Variants in ASCC3 observed in about 807,000 individuals in gnomAD.
The protein encoded by ASCC3 is activating signal cointegrator 1 complex subunit 3.
Under a neutral mutation model 256.3 loss-of-function variants are expected in ASCC3, and 158 were observed. That is an observed-to-expected ratio of 0.62 (90% CI 0.54 to 0.70). ASCC3 has a LOEUF of 0.70. ASCC3 is among the 30% of genes least tolerant of loss of function. The pLI, the probability that ASCC3 is intolerant of heterozygous loss-of-function variation, is 0.00. For missense variants in ASCC3, 2,259 were observed against 2,626.0 expected (o/e 0.86, Z 3.05); for synonymous variants, 948 against 883.4 (o/e 1.07, Z -1.30).
intron 36 of ASCC3, among the ~76,000 whole-genome samples, chr6:100,586,559 G>A (rs1771697895): frequency 6.6e-6 from 1 of 152,170 alleles, no homozygotes; most frequent in African/African-American, 2.4e-5. Flanking sequence ...GCCTCGCCCT[G>A]CTTTGGCTCA....
intron 24 of ASCC3, among the ~76,000 whole-genome samples, chr6:100,639,122 T>C (rs530234290): frequency 1.2e-4 from 19 of 152,348 alleles, no homozygotes; most frequent in Non-Finnish European, 2.2e-4. Context: ...ATGCATGTTA[T>C]AGAACAAAAC....
intron 34 of ASCC3, among the ~76,000 whole-genome samples, chr6:100,593,384 A>G (rs1772104385): frequency 6.6e-6 from 1 of 152,186 alleles, no homozygotes; most frequent in Non-Finnish European, 1.5e-5. Context: ...TTAAAGAATC[A>G]AAAACTAAAA....
chr6:100,528,099 C>A (rs74957738), intron 37 of ASCC3, among the ~76,000 whole-genome samples: 27 of 152,116 alleles, frequency 1.8e-4, no homozygotes, highest in South Asian at 8.3e-4. Flanking sequence ...TCAGCTCCCC[C>A]CTGTTGGGAT....
At chr6:100,544,431 C>G (rs898508262) in intron 36 of ASCC3, among the ~76,000 whole-genome samples, 1 of 151,506 alleles carries the variant, frequency 6.6e-6, no homozygotes, top group African/African-American at 2.4e-5. Flanking sequence ...GCAAACAGAT[C>G]AGGGAAAAAG....
chr6:100,519,841 G>A (rs1230662719), intron 37 of ASCC3, among the ~76,000 whole-genome samples: 1 of 152,096 alleles, frequency 6.6e-6, no homozygotes, highest in Non-Finnish European at 1.5e-5. Context: ...ATTTTTCACT[G>A]TAGGATCCAG....
Position 100,512,861 on chromosome 6 carries a change from A to G in ASCC3, c.6133T>C (p.Ser2045Pro). Reference protein sequence around the residue: ...VINVGISVKGSWDDLVEGHNE... With the variant: ...VINVGISVKGPWDDLVEGHNE... ...TGTCCTTCAACTAAGTCATCCCACGAGCCTTTAACACTTATGCCAACATTT... is the reference window on the plus strand; with the variant it reads ...TGTCCTTCAACTAAGTCATCCCACGGGCCTTTAACACTTATGCCAACATTT... The change falls in exon 40 of 42, where the codon TCG becomes CCG. Residue 2045 changes from serine to proline, a missense_variant. This residue lies in a region of ASCC3 where 1,839 missense variants were observed against 2,206.7 expected (regional missense o/e 0.83). Transcript: ENST00000369162. 9 of 1,614,128 alleles carry G rather than the reference A, an allele frequency of 5.6e-6. No individual in the cohort carries two copies. The highest frequency in any genetic ancestry group is 7.6e-6 in the Non-Finnish European group (9 of 1,179,996).
chr6:100,851,326 A>C (rs1772656942), intron 3 of ASCC3, among the ~76,000 whole-genome samples: 1 of 152,232 alleles, frequency 6.6e-6, no homozygotes, highest in Admixed American at 6.5e-5. Context: ...AAATAGTGGA[A>C]GAACAGCCTT....
rs369309708 is a variant in ASCC3 at position 100,814,411 on chromosome 6, G to C, written c.802-8531C>G. 2.6e-5 allele frequency among the ~76,000 whole-genome samples: 4 copies of C among 152,010 alleles called. No homozygotes were observed. In the East Asian group the frequency reaches 5.8e-4, roughly 22 times the overall value. On this transcript the variant is annotated intron_variant, in intron 4 of 41. Transcript: ENST00000369162. ...GCCTGAAGTTTTCTTTTTTGTTGTT[G>C]TTGTGTCTCAGCCAGGTTTTGGTAT...
chr6:100,646,298 AT>A (rs1006122597), intron 22 of ASCC3, among the ~76,000 whole-genome samples: 1 of 151,812 alleles, frequency 6.6e-6, no homozygotes, highest in African/African-American at 2.4e-5. Flanking sequence ...TATTGCTATA[AT>A]TTTTTACTAT....
chr6:100,566,108 C>T (rs1486499920), intron 36 of ASCC3, among the ~76,000 whole-genome samples: 1 of 152,112 alleles, frequency 6.6e-6, no homozygotes, highest in Admixed American at 6.6e-5. Context: ...AACCAAAACA[C>T]AGCACAACAC....
At chr6:100,853,496 G>T (rs1241866936) in intron 3 of ASCC3, among the ~76,000 whole-genome samples, 1 of 137,584 alleles carries the variant, frequency 7.3e-6, no homozygotes, top group East Asian at 2.1e-4. Flanking sequence ...ACGGAGTCTT[G>T]CTCTGTCACC....
At chr6:100,717,008 GA>G (rs1022968294) in intron 12 of ASCC3, among the ~76,000 whole-genome samples, 1 of 151,558 alleles carries the variant, frequency 6.6e-6, no homozygotes, top group Non-Finnish European at 1.5e-5. Context: ...AAACATAACT[GA>G]AAAAAACAAG....
chr6:100,749,455 T>C (rs778406588), intron 10 of ASCC3, among the ~76,000 whole-genome samples: 7 of 152,008 alleles, frequency 4.6e-5, no homozygotes, highest in Non-Finnish European at 1.0e-4. Context: ...AATGAGAATA[T>C]TATCCTTTTA....
intron 4 of ASCC3, among the ~76,000 whole-genome samples, chr6:100,808,041 T>A (rs1344640108): frequency 6.6e-6 from 1 of 151,960 alleles, no homozygotes; most frequent in Non-Finnish European, 1.5e-5. Flanking sequence ...AATGTATTTG[T>A]TGCCAATGCT....
At position 100,866,485 on chromosome 6, in the gene ASCC3, C is replaced by A. The variant is rs185907724; in HGVS notation, c.90+1423G>T. ...ATCTACTAATTGATCAGAATCCGTACGTTATTGGCTGCATATATACCCTCA... is the reference window on the plus strand; with the variant it reads ...ATCTACTAATTGATCAGAATCCGTAAGTTATTGGCTGCATATATACCCTCA... On this transcript the variant is annotated intron_variant, in intron 2 of 41. Coordinates refer to ENST00000369162, the MANE Select transcript of ASCC3 (RefSeq NM_006828.4). Among the ~76,000 whole-genome samples, 13 of 152,292 alleles carry A rather than the reference C, an allele frequency of 8.5e-5. No homozygotes were observed. The East Asian group carries it at 1.4e-3, about 16-fold the overall frequency.
intron 11 of ASCC3, among the ~76,000 whole-genome samples, chr6:100,723,839 T>C (rs1295595456): frequency 1.4e-5 from 2 of 139,852 alleles, no homozygotes; most frequent in African/African-American, 5.3e-5. Context: ...GGTTTGGATA[T>C]GGCCAGAAGT....
intron 38 of ASCC3, among the ~76,000 whole-genome samples, chr6:100,517,367 A>G (rs1774083900): frequency 6.6e-6 from 1 of 152,174 alleles, no homozygotes; most frequent in African/African-American, 2.4e-5. Context: ...GCTGCAAAGT[A>G]TCTCTTAACT....
At chr6:100,661,592 A>G (rs1335487008) in intron 16 of ASCC3, among the ~76,000 whole-genome samples, 1 of 151,934 alleles carries the variant, frequency 6.6e-6, no homozygotes, top group African/African-American at 2.4e-5. Context: ...GTTTAAAAGT[A>G]TGGTCTTTTA....
intron 10 of ASCC3, among the ~76,000 whole-genome samples, chr6:100,758,521 GGAT>G (rs1380194765): frequency 1.3e-5 from 2 of 152,152 alleles, no homozygotes; most frequent in Non-Finnish European, 2.9e-5. Flanking sequence ...AGTCTGCTGA[GGAT>G]GATGGTTTCC....
Sources: gnomAD v4.1 joint callset for allele counts (sites outside exome capture counted in the v4.1 genomes callset) on GRCh38, gnomAD v4.1.1 for gene constraint, gnomAD v4.1.1 regional missense constraint, MANE v1.5 for transcripts, NCBI Gene and HGNC (gene_info 2026-07-23, HGNC 2026-07-21) for gene names.